PCNX2: variants seen among roughly 807,000 people sequenced by gnomAD.
PCNX2 encodes the protein pecanex-like protein 2.
PCNX2 carries 168 observed loss-of-function variants against 223.8 expected under a neutral mutation model. That is an observed-to-expected ratio of 0.75 (90% CI 0.66 to 0.85). PCNX2 has a LOEUF of 0.85. Ranked by LOEUF, PCNX2 falls within the 40% of genes least tolerant of loss-of-function variation. The pLI, the probability that PCNX2 is intolerant of heterozygous loss-of-function variation, is 0.00. For synonymous variants in PCNX2, 1,006 were observed against 1,052.6 expected (o/e 0.96, Z 0.86); for missense variants, 2,507 against 2,675.5 (o/e 0.94, Z 1.39).
chr1:233,278,102 T>C (rs1319530808), intron 1 of PCNX2, among the ~76,000 whole-genome samples: 2 of 152,240 alleles, frequency 1.3e-5, no homozygotes, highest in Non-Finnish European at 2.9e-5. Context: ...ATGGACTCTA[T>C]TTCAAGTAAT....
In PCNX2 at chr1:233,258,598, T is replaced by C. The variant is rs374408979; in HGVS notation, c.1264A>G (p.Asn422Asp). 82 of 1,613,804 alleles carry C rather than the reference T, an allele frequency of 5.1e-5. No homozygotes were observed. The highest frequency in any genetic ancestry group is 3.7e-4 in the South Asian group (34 of 91,082). ...PTNPGAAGSP[N>D]AEQISIPVIT... ...ACAGGAATTGAGATCTGCTCGGCAT[T>C]TGGAGAACCGGCCGCCCCTGGGTTA... is the stretch of plus-strand genomic sequence containing the variant. Residue 422 changes from asparagine to aspartate, a missense_variant, in exon 5 of 34, where the codon AAT becomes GAT. Coordinates refer to ENST00000258229, the MANE Select transcript of PCNX2 (RefSeq NM_014801.4).
chr1:233,276,978 T>C (rs531454159), intron 1 of PCNX2, among the ~76,000 whole-genome samples: 2 of 152,218 alleles, frequency 1.3e-5, no homozygotes, highest in African/African-American at 2.4e-5. Flanking sequence ...TAGACTAGAG[T>C]GTCAGGGAAT....
intron 21 of PCNX2, 77 bp from the exon 22 acceptor site, chr1:233,095,940 C>T (rs1235062851): frequency 1.0e-5 from 11 of 1,100,276 alleles, no homozygotes; most frequent in Admixed American, 8.9e-5. Context: ...ACTTAAAGGA[C>T]ATTTGTCAAG....
At position 233,277,586 on chromosome 1, in the gene PCNX2, C is replaced by T. The variant is rs564926171; in HGVS notation, c.154-14423G>A. On this transcript the variant is annotated intron_variant, in intron 1 of 33. Coordinates refer to ENST00000258229, the MANE Select transcript of PCNX2 (RefSeq NM_014801.4). ...TTAAACACTACAGAGGGGCACACAACTGAAGGGCTCACTCAGGTAAGCTGT... is the reference window on the plus strand; with the variant it reads ...TTAAACACTACAGAGGGGCACACAATTGAAGGGCTCACTCAGGTAAGCTGT... Among the ~76,000 whole-genome samples, 4 of 152,270 alleles carry T rather than the reference C, an allele frequency of 2.6e-5. No homozygotes were observed. In the South Asian group the frequency reaches 8.3e-4, roughly 32 times the overall value.
chr1:233,282,722 G>A (rs1051678418), intron 1 of PCNX2, among the ~76,000 whole-genome samples: 2 of 152,020 alleles, frequency 1.3e-5, no homozygotes, highest in Admixed American at 6.6e-5. Context: ...TTCTATTTTT[G>A]TCCTTTCTTT....
intron 1 of PCNX2, chr1:233,289,015 GGA>G: frequency 7.2e-7 from 1 of 1,393,336 alleles, no homozygotes. Flanking sequence ...AGTTTCACGC[GGA>G]TTCTCTTGCC....
intron 23 of PCNX2, chr1:233,057,945 A>C: frequency 1.0e-6 from 1 of 985,366 alleles, no homozygotes. Context: ...CTTTCTCTTC[A>C]AATTGATTTC....
chr1:233,258,773 T>C lies in PCNX2; in HGVS notation c.1089A>G (p.Gln363=), dbSNP rs1195935595. 6.2e-7 allele frequency: 1 copy of C among 1,613,804 alleles called. No homozygotes were observed. ...CATGTAGACTCAGTGGGTCTCCGGG[T>C]TGAGAAGTATCGATGAGAGTAACAG... ...EVAVTLIDTS[Q]PGDPLSLHEP... The change falls in exon 5 of 34, where the codon CAA becomes CAG. Residue 363 remains glutamine (Q), a synonymous_variant. Coordinates refer to ENST00000258229, the MANE Select transcript of PCNX2 (RefSeq NM_014801.4).
intron 1 of PCNX2, among the ~76,000 whole-genome samples, chr1:233,268,299 T>C (rs568255440): frequency 6.6e-6 from 1 of 152,294 alleles, no homozygotes; most frequent in South Asian, 2.1e-4. Flanking sequence ...TACAGGCCAA[T>C]GGGTTTTGCC....
rs1659406957 is a variant in PCNX2, at chr1:233,250,822, T to C, written c.2139A>G (p.Arg713=). 1.3e-6 allele frequency: 2 copies of C among 1,589,892 alleles called. No homozygotes were observed. The change falls in exon 8 of 34, where the codon AGA becomes AGG. Residue 713 remains arginine (R), a synonymous_variant. Coordinates refer to ENST00000258229, the MANE Select transcript of PCNX2 (RefSeq NM_014801.4). The part of the protein sequence containing the change: ...HVFIDEHGEI[R]SCYLKSGNQK... ...GATTTCCAGATTTTAAATAACAGGA[T>C]CTAATTTCCCCTGTAAAATCAGAAA... is the stretch of plus-strand genomic sequence containing the variant.
At chr1:233,174,812 A>C (rs1679377896) in intron 17 of PCNX2, among the ~76,000 whole-genome samples, 2 of 152,190 alleles carry the variant, frequency 1.3e-5, no homozygotes, top group South Asian at 2.1e-4. Context: ...GAAAGTTTAT[A>C]TCTTTATTAA....
intron 1 of PCNX2, chr1:233,290,727 T>C (rs752789671): frequency 9.8e-4 from 956 of 975,628 alleles, no homozygotes; most frequent in Non-Finnish European, 1.1e-3. Context: ...TTAGAAATGA[T>C]GTAGGTCTTA....
chr1:233,027,885 ATT>A (rs1671136800), intron 25 of PCNX2, among the ~76,000 whole-genome samples: 1 of 152,020 alleles, frequency 6.6e-6, no homozygotes, highest in South Asian at 2.1e-4. Flanking sequence ...ACAGCTGCAC[ATT>A]TCTCTCTATG....
At chr1:233,122,070 A>G in intron 21 of PCNX2, among the ~76,000 whole-genome samples, 1 of 144,252 alleles carries the variant, frequency 6.9e-6, no homozygotes. Flanking sequence ...GAAAGTTAGA[A>G]AGTACACACA....
intron 15 of PCNX2, among the ~76,000 whole-genome samples, chr1:233,190,436 A>T (rs1229692886): frequency 6.6e-6 from 1 of 152,218 alleles, no homozygotes; most frequent in Non-Finnish European, 1.5e-5. Context: ...AGTCAGTCTG[A>T]GACTATTAGA....
intron 25 of PCNX2, chr1:233,032,069 A>T: frequency 1.0e-6 from 1 of 961,712 alleles, no homozygotes; most frequent in Non-Finnish European, 1.2e-6. Flanking sequence ...TTCTCTTCCA[A>T]TGGAGGAAAT....
chr1:233,283,860 T>C (rs1188220376), intron 1 of PCNX2, among the ~76,000 whole-genome samples: 3 of 151,970 alleles, frequency 2.0e-5, no homozygotes, highest in African/African-American at 7.3e-5. Flanking sequence ...ATATAAAGAG[T>C]TTCCAGGTTT....
intron 23 of PCNX2, among the ~76,000 whole-genome samples, chr1:233,082,006 G>A (rs1177825214): frequency 2.6e-5 from 4 of 152,004 alleles, no homozygotes; most frequent in Admixed American, 1.3e-4. Flanking sequence ...GTGTGTGTGT[G>A]TGTGTGTGTG....
rs1658033932 is a variant in PCNX2, at chr1:233,231,114, C to T, written c.2359-3743G>A. ...GGCTCTGAGAGATTAGGCCACTGGC[C>T]CAAGGTCCTAGATTAGGAAGAGATT... On this transcript the variant is annotated intron_variant, in intron 9 of 33. Transcript: ENST00000258229. Among the ~76,000 whole-genome samples, 3 of 151,954 alleles carry T rather than the reference C, an allele frequency of 2.0e-5. No homozygotes were observed. The South Asian group carries it at 6.2e-4, about 32-fold the overall frequency.
Sources: allele counts gnomAD v4.1 joint callset (sites outside exome capture counted in the v4.1 genomes callset), GRCh38; gene constraint gnomAD v4.1.1; transcripts MANE v1.5; gene names NCBI Gene and HGNC (gene_info 2026-07-23, HGNC 2026-07-21).